GRB14: variants seen among roughly 807,000 people sequenced by gnomAD.
GRB14 encodes growth factor receptor bound protein 14, also known as growth factor receptor-bound protein 14.
In GRB14, 38 loss-of-function variants were observed where a neutral mutation model predicts 69.1. The observed-to-expected ratio is 0.55, with a 90% CI of 0.42 to 0.72. The LOEUF (loss-of-function observed/expected upper bound fraction) is 0.72. Among genes scored for constraint, GRB14 ranks in the 30% least tolerant of loss-of-function variants. The probability of loss-of-function intolerance (pLI) is 0.00; values close to 1 mark genes in which losing one functional copy is unlikely to be tolerated. For synonymous variants in GRB14, 247 were observed against 241.3 expected (o/e 1.02, Z -0.22); for missense variants, 666 against 666.1 (o/e 1.00, Z 0.00).
chr2:164,615,413 C>T (rs1248580764), intron 2 of GRB14, among the ~76,000 whole-genome samples: 2 of 152,136 alleles, frequency 1.3e-5, no homozygotes, highest in Non-Finnish European at 2.9e-5. Context: ...TGAATATTAA[C>T]AAATGGCGTT....
intron 2 of GRB14, among the ~76,000 whole-genome samples, chr2:164,558,062 C>T (rs932580562): frequency 6.6e-6 from 1 of 152,090 alleles, no homozygotes; most frequent in African/African-American, 2.4e-5. Context: ...AGCAGCATGC[C>T]GCATCTAGGG....
chr2:164,582,434 T>A (rs901750975), intron 2 of GRB14, among the ~76,000 whole-genome samples: 8 of 151,060 alleles, frequency 5.3e-5, no homozygotes, highest in East Asian at 1.9e-4. Flanking sequence ...ATTTTTTTTT[T>A]TTTTTGAGAA....
At chr2:164,611,901 G>A (rs1225606772) in intron 2 of GRB14, among the ~76,000 whole-genome samples, 2 of 152,046 alleles carry the variant, frequency 1.3e-5, no homozygotes, top group Non-Finnish European at 2.9e-5. Context: ...TGGAACAAAA[G>A]AAACCCTGCT....
chr2:164,547,873 A>G (rs1330256654), intron 2 of GRB14, 57 bp from the exon 3 acceptor site: 2 of 1,246,254 alleles, frequency 1.6e-6, no homozygotes, highest in African/African-American at 3.0e-5. Flanking sequence ...GTTTTTAATA[A>G]ATTTTATTGT....
chr2:164,497,884 T>C (rs1201320675), intron 9 of GRB14, among the ~76,000 whole-genome samples: 1 of 152,196 alleles, frequency 6.6e-6, no homozygotes, highest in Non-Finnish European at 1.5e-5. Context: ...TGTTTCTGAA[T>C]TGATGTCTCC....
intron 3 of GRB14, 60 bp from the exon 4 acceptor site, chr2:164,527,195 AT>A: frequency 4.3e-6 from 1 of 230,730 alleles, no homozygotes; most frequent in Non-Finnish European, 7.8e-6. Context: ...ATATATATAT[AT>A]ATATATATAT....
At chr2:164,522,376 TC>T (rs760242234) in intron 5 of GRB14, among the ~76,000 whole-genome samples, 2 of 152,046 alleles carry the variant, frequency 1.3e-5, no homozygotes, top group East Asian at 3.9e-4. Flanking sequence ...AAATCAGTCT[TC>T]CAAAAACCTA....
At chr2:164,514,141 A>G (rs942120662) in intron 6 of GRB14, among the ~76,000 whole-genome samples, 5 of 152,228 alleles carry the variant, frequency 3.3e-5, no homozygotes, top group Non-Finnish European at 7.3e-5. Context: ...GGAATTTACA[A>G]TGTATGTAAG....
intron 3 of GRB14, among the ~76,000 whole-genome samples, chr2:164,532,273 A>G (rs1169102927): frequency 6.6e-6 from 1 of 152,130 alleles, no homozygotes; most frequent in African/African-American, 2.4e-5. Flanking sequence ...TAGAAGAATA[A>G]CCTGTCTGTT....
intron 2 of GRB14, among the ~76,000 whole-genome samples, chr2:164,613,035 G>T: frequency 2.0e-5 from 3 of 152,286 alleles, no homozygotes; most frequent in Admixed American, 2.0e-4. Context: ...GTCATCAGGG[G>T]TTAAGGGACC....
intron 3 of GRB14, among the ~76,000 whole-genome samples, chr2:164,542,535 G>A (rs865806425): frequency 6.6e-6 from 1 of 152,044 alleles, no homozygotes; most frequent in Non-Finnish European, 1.5e-5. Flanking sequence ...AATCTATAAT[G>A]AACCTAATTC....
chr2:164,494,783 A>G (rs1260043676), intron 12 of GRB14, among the ~76,000 whole-genome samples: 3 of 152,190 alleles, frequency 2.0e-5, no homozygotes, highest in Admixed American at 1.3e-4. Flanking sequence ...TGATCACAAT[A>G]AACAATACAC....
intron 3 of GRB14, among the ~76,000 whole-genome samples, chr2:164,544,467 T>C (rs535232332): frequency 1.3e-5 from 2 of 152,286 alleles, no homozygotes; most frequent in East Asian, 1.9e-4. Flanking sequence ...AATAATATAT[T>C]ATGCTAATTA....
intron 2 of GRB14, among the ~76,000 whole-genome samples, chr2:164,616,216 A>G (rs762650922): frequency 5.9e-5 from 9 of 152,056 alleles, no homozygotes; most frequent in Non-Finnish European, 1.3e-4. Context: ...TGAGGTCAGG[A>G]GATGGAGATC....
intron 2 of GRB14, among the ~76,000 whole-genome samples, chr2:164,591,121 A>G (rs1179995677): frequency 6.6e-6 from 1 of 152,246 alleles, no homozygotes; most frequent in African/African-American, 2.4e-5. Context: ...AACAACAGTT[A>G]AATAGATAAA....
At chr2:164,566,574 C>A (rs1005189578) in intron 2 of GRB14, among the ~76,000 whole-genome samples, 1 of 152,072 alleles carries the variant, frequency 6.6e-6, no homozygotes, top group African/African-American at 2.4e-5. Flanking sequence ...TAATAACCAC[C>A]GCTTTCCAGA....
chr2:164,546,335 G>A (rs929522883), intron 3 of GRB14, among the ~76,000 whole-genome samples: 3 of 151,854 alleles, frequency 2.0e-5, no homozygotes, highest in Admixed American at 6.6e-5. Flanking sequence ...TTTGTACCTC[G>A]GAAGAAAATC....
At chr2:164,525,813 G>T (rs933901427) in intron 4 of GRB14, among the ~76,000 whole-genome samples, 8 of 151,870 alleles carry the variant, frequency 5.3e-5, no homozygotes, top group Non-Finnish European at 1.2e-4. Flanking sequence ...GTTGAGGGGG[G>T]GCACTCCTGC....
intron 2 of GRB14, among the ~76,000 whole-genome samples, chr2:164,618,078 T>C (rs535545135): frequency 7.9e-5 from 12 of 151,894 alleles, no homozygotes; most frequent in Non-Finnish European, 1.5e-4. Flanking sequence ...GCGATTCTCC[T>C]GCCTCCGCCT....
Sources: gnomAD v4.1 joint callset for allele counts (sites outside exome capture counted in the v4.1 genomes callset) on GRCh38, gnomAD v4.1.1 for gene constraint, MANE v1.5 for transcripts, NCBI Gene and HGNC (gene_info 2026-07-23, HGNC 2026-07-21) for gene names.